NLRP14: variants seen among roughly 807,000 people sequenced by gnomAD.
NLRP14 encodes the protein NLR family pyrin domain containing 14, also known as NACHT, LRR and PYD domains-containing protein 14.
In NLRP14, 105 loss-of-function variants were observed where a neutral mutation model predicts 94.7. That is an observed-to-expected ratio of 1.11 (90% CI 0.95 to 1.30). The LOEUF is 1.30. NLRP14 is among the 50% of genes most tolerant of loss of function. NLRP14 has a pLI of 0.00. For synonymous variants in NLRP14, 508 were observed against 459.9 expected (o/e 1.10, Z -1.34); for missense variants, 1,362 against 1,254.1 (o/e 1.09, Z -1.30).
intron 5 of NLRP14, among the ~76,000 whole-genome samples, chr11:7,047,491 A>C (rs1338071184): frequency 1.3e-5 from 2 of 151,656 alleles, no homozygotes; most frequent in African/African-American, 2.4e-5. Flanking sequence ...TTTTTTGTAG[A>C]GATGTGGTCT....
Position 7,062,489 on chromosome 11 carries a change from C to T in NLRP14, c.2961C>T (p.Asn987=). 1 of 1,612,796 alleles carries T rather than the reference C, an allele frequency of 6.2e-7. No homozygotes were observed. The highest frequency in any genetic ancestry group is 8.5e-7 in the Non-Finnish European group (1 of 1,179,120). ...LCDALRYPNC[N]IQRLGLEYCG... ...ATGCTTTGAGATATCCAAACTGTAACATTCAGAGGCTCGGGTGAGTTCATA... is the reference window on the plus strand; with the variant it reads ...ATGCTTTGAGATATCCAAACTGTAATATTCAGAGGCTCGGGTGAGTTCATA... Residue 987 remains asparagine, a synonymous_variant, in exon 10 of 12, where the codon AAC becomes AAT. Transcript: ENST00000299481.
chr11:7,059,816 A>G, intron 8 of NLRP14, 78 bp from the exon 9 acceptor site: 1 of 1,263,132 alleles, frequency 7.9e-7, no homozygotes, highest in Non-Finnish European at 1.1e-6. Flanking sequence ...GGATCAAATC[A>G]TGAAATCTCT....
At chr11:7,066,095 A>G (rs918678865) in intron 10 of NLRP14, among the ~76,000 whole-genome samples, 1 of 152,032 alleles carries the variant, frequency 6.6e-6, no homozygotes, top group Non-Finnish European at 1.5e-5. Flanking sequence ...CATTTTCTTT[A>G]TCCAGTCTAT....
intron 9 of NLRP14, among the ~76,000 whole-genome samples, chr11:7,060,731 G>T (rs1232161377): frequency 1.3e-5 from 2 of 151,954 alleles, no homozygotes; most frequent in East Asian, 3.9e-4. Flanking sequence ...CTCACTCTAT[G>T]AGCAGATTTG....
At chr11:7,036,357 T>C (rs1387354358) in intron 1 of NLRP14, among the ~76,000 whole-genome samples, 1 of 152,186 alleles carries the variant, frequency 6.6e-6, no homozygotes, top group Non-Finnish European at 1.5e-5. Flanking sequence ...AAGGAGACTA[T>C]AGTATATTCT....
the NLRP14 span, chr11:7,090,136 G>A: frequency 2.5e-6 from 4 of 1,613,320 alleles, no homozygotes; most frequent in South Asian, 4.4e-5. Context: ...TACTCGAGGG[G>A]CCGACACCGG....
intron 1 of NLRP14, among the ~76,000 whole-genome samples, chr11:7,038,019 A>G (rs1336060504): frequency 7.2e-6 from 1 of 138,314 alleles, no homozygotes; most frequent in Non-Finnish European, 1.5e-5. Context: ...TGACATGACA[A>G]GAAGAGGTAG....
the NLRP14 span, among the ~76,000 whole-genome samples, chr11:7,079,484 A>G: frequency 2.6e-5 from 4 of 152,260 alleles, no homozygotes; most frequent in Admixed American, 2.6e-4. Flanking sequence ...ACACATATTC[A>G]TCAATTGTAT....
the NLRP14 span, among the ~76,000 whole-genome samples, chr11:7,078,294 C>T: frequency 4.4e-4 from 67 of 150,964 alleles, no homozygotes; most frequent in Middle Eastern, 0.01. Context: ...AAAAATTAGC[C>T]GGGCATGATG....
intron 1 of NLRP14, among the ~76,000 whole-genome samples, chr11:7,023,553 TATTTATATTTA>T (rs1851975205): frequency 6.9e-6 from 1 of 145,738 alleles, no homozygotes; most frequent in Non-Finnish European, 1.5e-5. Flanking sequence ...TAATATATTT[TATTTATATTTA>T]TATATAAAAA....
the NLRP14 span, chr11:7,089,621 G>C: frequency 8.2e-7 from 1 of 1,225,804 alleles, no homozygotes. Flanking sequence ...CCGCGCCGTC[G>C]GGCCCGGCTC....
intron 3 of NLRP14, among the ~76,000 whole-genome samples, chr11:7,041,167 C>A (rs188962190): frequency 1.3e-5 from 2 of 152,134 alleles, no homozygotes; most frequent in East Asian, 1.9e-4. Flanking sequence ...TAGTGTTTTT[C>A]TTCTCCCTGC....
chr11:7,037,068 TGCA>T (rs754648097), intron 1 of NLRP14, among the ~76,000 whole-genome samples: 29 of 152,228 alleles, frequency 1.9e-4, no homozygotes, highest in Non-Finnish European at 3.5e-4. Flanking sequence ...TAGGGATACC[TGCA>T]GATTTCTAGA....
intron 4 of NLRP14, among the ~76,000 whole-genome samples, chr11:7,045,324 T>C (rs957011447): frequency 6.6e-6 from 1 of 152,234 alleles, no homozygotes; most frequent in African/African-American, 2.4e-5. Context: ...TAGTAAATGC[T>C]AGAACAGTAT....
the NLRP14 span, among the ~76,000 whole-genome samples, chr11:7,078,655 G>A: frequency 6.6e-6 from 1 of 151,748 alleles, no homozygotes; most frequent in African/African-American, 2.4e-5. Flanking sequence ...GGGCATGGTG[G>A]TGGGTGCTTG....
intron 10 of NLRP14, among the ~76,000 whole-genome samples, chr11:7,067,865 G>A (rs1852729135): frequency 6.6e-6 from 1 of 152,098 alleles, no homozygotes; most frequent in Admixed American, 6.5e-5. Flanking sequence ...ATTTTTGTAA[G>A]ATTGGAATTA....
At chr11:7,063,008 G>C (rs1852649473) in intron 10 of NLRP14, among the ~76,000 whole-genome samples, 1 of 152,062 alleles carries the variant, frequency 6.6e-6, no homozygotes, top group Non-Finnish European at 1.5e-5. Flanking sequence ...TTGACCTCAG[G>C]GTCAAGAATT....
intron 1 of NLRP14, among the ~76,000 whole-genome samples, chr11:7,035,293 C>G (rs1367667363): frequency 6.6e-6 from 1 of 152,166 alleles, no homozygotes; most frequent in Admixed American, 6.5e-5. Context: ...CCACTACACT[C>G]CAGCCTGGGC....
chr11:7,086,866 A>C, the NLRP14 span, among the ~76,000 whole-genome samples: 2 of 152,202 alleles, frequency 1.3e-5, no homozygotes, highest in Non-Finnish European at 2.9e-5. Flanking sequence ...TGAATAAGGA[A>C]CTTGATAAGC....
Sources: allele counts gnomAD v4.1 joint callset (sites outside exome capture counted in the v4.1 genomes callset), GRCh38; gene constraint gnomAD v4.1.1; transcripts MANE v1.5; gene names NCBI Gene and HGNC (gene_info 2026-07-23, HGNC 2026-07-21).